ADH1A: variants seen among roughly 807,000 people sequenced by gnomAD.
ADH1A encodes the protein alcohol dehydrogenase 1A.
In ADH1A, 29 loss-of-function variants were observed where a neutral mutation model predicts 35.2. The observed-to-expected ratio is 0.82, with a 90% CI of 0.61 to 1.12. The LOEUF (loss-of-function observed/expected upper bound fraction) is 1.12, where lower values mean the gene tolerates loss of function less well. ADH1A is among the 50% of genes most tolerant of loss of function. The probability of loss-of-function intolerance (pLI) is 0.00; values close to 1 mark genes in which losing one functional copy is unlikely to be tolerated. For missense variants in ADH1A, 469 were observed against 464.7 expected (o/e 1.01, Z -0.09); for synonymous variants, 147 against 164.8 (o/e 0.89, Z 0.83).
intron 2 of ADH1A, 109 bp downstream of exon 2, chr4:99,287,452 GACA>G (rs1733180676): frequency 3.9e-6 from 4 of 1,025,008 alleles, no homozygotes; most frequent in Non-Finnish European, 5.6e-6. Context: ...ACCTTTCCTT[GACA>G]ACAAGTATAT....
intron 7 of ADH1A, 125 bp downstream of exon 7, chr4:99,280,019 A>C (rs1732960816): frequency 7.3e-7 from 1 of 1,371,834 alleles, no homozygotes; most frequent in Non-Finnish European, 1.0e-6. Flanking sequence ...TGATTTGGAG[A>C]CTGTAGATAG....
rs1049712664 is a variant in ADH1A at position 99,284,422 on chromosome 4, C to T, written c.544G>A (p.Gly182Arg). 5 of 1,614,156 alleles carry T rather than the reference C, an allele frequency of 3.1e-6. No homozygotes were observed. In the Middle Eastern group the frequency reaches 4.9e-4, roughly 160 times the overall value. Reference protein sequence around the residue: ...LIGCGFSTGYGSAVNVAKVTP... With the variant: ...LIGCGFSTGYRSAVNVAKVTP... Reference sequence around the variant, plus strand: ...ACCTTGGCAACATTGACTGCAGACCCATAACCAGTTGAAAATCCACAGCCA... The same window carrying T: ...ACCTTGGCAACATTGACTGCAGACCTATAACCAGTTGAAAATCCACAGCCA... The change falls in exon 5 of 9, where the codon GGG (glycine) becomes AGG (arginine). Residue 182 changes from glycine (G) to arginine (R), a missense_variant. Transcript: ENST00000209668.
intron 1 of ADH1A, among the ~76,000 whole-genome samples, chr4:99,289,727 T>TTGTC (rs1470906392): frequency 6.6e-6 from 1 of 152,206 alleles, no homozygotes; most frequent in Non-Finnish European, 1.5e-5. Context: ...GGGGAGGCAA[T>TTGTC]TGTCTATTTC....
chr4:99,277,130 C>A (rs1469405170), intron 8 of ADH1A, among the ~76,000 whole-genome samples: 2 of 151,390 alleles, frequency 1.3e-5, no homozygotes, highest in Non-Finnish European at 2.9e-5. Context: ...TTGGTCTGGT[C>A]GCATATCTAG....
At chr4:99,278,085 A>AT (rs887660574) in intron 8 of ADH1A, among the ~76,000 whole-genome samples, 40 of 152,238 alleles carry the variant, frequency 2.6e-4, no homozygotes, top group African/African-American at 9.1e-4. Flanking sequence ...GATTAATTAT[A>AT]TTTACATATG....
At chr4:99,283,677 T>C (rs1188181943) in intron 5 of ADH1A, among the ~76,000 whole-genome samples, 4 of 152,218 alleles carry the variant, frequency 2.6e-5, no homozygotes, top group Admixed American at 2.0e-4. Context: ...AGTGAGACTT[T>C]GGGCAAATAT....
At chr4:99,279,012 T>C (rs1262864197) in intron 8 of ADH1A, among the ~76,000 whole-genome samples, 1 of 152,174 alleles carries the variant, frequency 6.6e-6, no homozygotes, top group African/African-American at 2.4e-5. Context: ...ATGAAAATGT[T>C]GAGGATGTCC....
intron 5 of ADH1A, among the ~76,000 whole-genome samples, 153 bp from the exon 6 acceptor site, chr4:99,282,759 A>G (rs1733040091): frequency 6.6e-6 from 1 of 152,220 alleles, no homozygotes; most frequent in Non-Finnish European, 1.5e-5. Flanking sequence ...ATGGAGTTGA[A>G]CTAGTTGAGT....
intron 6 of ADH1A, 47 bp from the exon 7 acceptor site, chr4:99,280,326 T>C (rs1560517070): frequency 6.2e-7 from 1 of 1,610,750 alleles, no homozygotes; most frequent in Non-Finnish European, 8.5e-7. Flanking sequence ...AGTCGCATAG[T>C]TCCTATTCAT....
intron 8 of ADH1A, among the ~76,000 whole-genome samples, chr4:99,278,095 G>A (rs1267885834): frequency 6.6e-6 from 1 of 152,012 alleles, no homozygotes; most frequent in Non-Finnish European, 1.5e-5. Context: ...ATTTACATAT[G>A]CATATTACTA....
At position 99,284,450 on chromosome 4, in the gene ADH1A, G is replaced by A; in HGVS notation, c.516C>T (p.Leu172=). The change falls in exon 5 of 9, where the codon CTC becomes CTT. Residue 172 remains leucine (L), a synonymous_variant. Transcript: ENST00000209668. ...DAASPLEKVC[L]IGCGFSTGYG... is the part of the protein sequence containing the mutation. Reference sequence around the variant, plus strand: ...AACCAGTTGAAAATCCACAGCCAATGAGACAGACTTTCTCTAGAGGCGAGG... The same window carrying A: ...AACCAGTTGAAAATCCACAGCCAATAAGACAGACTTTCTCTAGAGGCGAGG... The A allele has an allele frequency of 3.1e-6, 5 of 1,614,134 alleles. No homozygotes were observed. Among genetic ancestry groups the A allele is most frequent in the Non-Finnish European group, 4.2e-6 (5 of 1,179,990 alleles).
At chr4:99,282,737 A>G in intron 5 of ADH1A, 131 bp from the exon 6 acceptor site, 1 of 1,408,558 alleles carries the variant, frequency 7.1e-7, no homozygotes, top group South Asian at 1.4e-5. Context: ...CAGTTGCTTT[A>G]TTTTTAAATT....
chr4:99,286,110 G>T (rs928350397), intron 3 of ADH1A, among the ~76,000 whole-genome samples: 2 of 150,194 alleles, frequency 1.3e-5, no homozygotes, highest in African/African-American at 4.9e-5. Context: ...ACAAGACCAA[G>T]AAAAATGGTT....
Position 99,276,541 on chromosome 4 carries a change from AATG to A in ADH1A, c.*80_*82del. On this transcript the variant is annotated 3_prime_UTR_variant, in exon 9 of 9. Transcript: ENST00000209668. Reference sequence around the variant, plus strand: ...GATAAAATCTGTGATGAGCAGAATTAATGATATTTCCCAGCTGTTGCTCCAGAT... The same window carrying A: ...GATAAAATCTGTGATGAGCAGAATTAATATTTCCCAGCTGTTGCTCCAGAT... 1 of 1,204,798 alleles carries A rather than the reference AATG, an allele frequency of 8.3e-7. No individual in the cohort carries two copies. Among genetic ancestry groups the A allele is most frequent in the Non-Finnish European group, 1.2e-6 (1 of 810,958 alleles). The allele number at this position is 1,204,798 out of a possible 1,614,324, so 74.6% of individuals were successfully genotyped here.
chr4:99,290,592 T>G (rs1360501256), intron 1 of ADH1A, among the ~76,000 whole-genome samples: 2 of 152,170 alleles, frequency 1.3e-5, no homozygotes, highest in Admixed American at 6.5e-5. Flanking sequence ...TTTCTAACTT[T>G]GGCTTTACAA....
At chr4:99,279,828 AG>A in intron 7 of ADH1A, among the ~76,000 whole-genome samples, 1 of 152,276 alleles carries the variant, frequency 6.6e-6, no homozygotes, top group East Asian at 1.9e-4. Flanking sequence ...CAAGTTTAAC[AG>A]TTGTCTAAAT....
Position 99,284,933 on chromosome 4 carries a change from A to G in ADH1A, c.260-130T>C, listed in dbSNP as rs988183496. On this transcript the variant is annotated intron_variant, in intron 3 of 8. Coordinates refer to ENST00000209668, the MANE Select transcript of ADH1A (RefSeq NM_000667.4). ...AAAAGTCTCCAAGAAATACAGTCCA[A>G]TCACAAATATGTCATTTGTCATTGC... 5 of 837,778 alleles carry G rather than the reference A, an allele frequency of 6.0e-6. No homozygotes were observed. The African/African-American group carries it at 8.6e-5, about 14-fold the overall frequency. The allele number at this position is 837,778 out of a possible 1,614,324, so 51.9% of individuals were successfully genotyped here.
rs1733027388 is a variant in ADH1A, at chr4:99,282,337, G to A, written c.828+9C>T. 2 of 1,613,994 alleles carry A rather than the reference G, an allele frequency of 1.2e-6. No homozygotes were observed. The highest frequency in any genetic ancestry group is 1.3e-5 in the African/African-American group (1 of 74,914). Reference sequence around the variant, plus strand: ...AGGCAGAAATCTCAGGGCATGTCATGGTACATACCATGGTGTCAAGCCGAC... The same window carrying A: ...AGGCAGAAATCTCAGGGCATGTCATAGTACATACCATGGTGTCAAGCCGAC... On this transcript the variant is annotated intron_variant, in intron 6 of 8. Coordinates refer to ENST00000209668, the MANE Select transcript of ADH1A (RefSeq NM_000667.4).
rs1732965591 is a variant in ADH1A at position 99,280,198 on chromosome 4, T to C, written c.910A>G (p.Met304Val). ...GVPPDSQNLS[M>V]NPMLLLTGRT... Reference sequence around the variant, plus strand: ...CCAGTCAGTAGCAGCATAGGGTTCATTGAGAGGTTTTGGGAATCAGGAGGT... The same window carrying C: ...CCAGTCAGTAGCAGCATAGGGTTCACTGAGAGGTTTTGGGAATCAGGAGGT... The change falls in exon 7 of 9, where the codon ATG becomes GTG. Residue 304 changes from methionine (M) to valine (V), a missense_variant. Transcript: ENST00000209668. 1 of 1,613,562 alleles carries C rather than the reference T, an allele frequency of 6.2e-7. No individual in the cohort carries two copies. Among genetic ancestry groups the C allele is most frequent in the Non-Finnish European group, 8.5e-7 (1 of 1,179,814 alleles).
Sources: gnomAD v4.1 joint callset for allele counts (sites outside exome capture counted in the v4.1 genomes callset) on GRCh38, gnomAD v4.1.1 for gene constraint, MANE v1.5 for transcripts, NCBI Gene and HGNC (gene_info 2026-07-23, HGNC 2026-07-21) for gene names.